The following TNFRSF1A variants were observed in gnomAD, a reference collection of about 807,000 sequenced individuals.
TNFRSF1A encodes tumor necrosis factor receptor superfamily member 1A.
TNFRSF1A carries 9 observed loss-of-function variants against 41.6 expected under a neutral mutation model. That is an observed-to-expected ratio of 0.22 (90% CI 0.13 to 0.38). The LOEUF (loss-of-function observed/expected upper bound fraction) is 0.38, where lower values mean the gene tolerates loss of function less well. Among genes scored for constraint, TNFRSF1A ranks in the 10% least tolerant of loss-of-function variants. The probability of loss-of-function intolerance (pLI) is 1.00; values close to 1 mark genes in which losing one functional copy is unlikely to be tolerated. For missense variants in TNFRSF1A, 463 were observed against 591.5 expected (o/e 0.78, Z 2.25); for synonymous variants, 254 against 248.6 (o/e 1.02, Z -0.21).
intron 1 of TNFRSF1A, among the ~76,000 whole-genome samples, chr12:6,340,612 G>T (rs574477368): frequency 2.6e-5 from 4 of 152,286 alleles, no homozygotes; most frequent in African/African-American, 9.6e-5. Context: ...AGAGAGGAGG[G>T]GAAGGAGGAT....
chr12:6,330,797 G>C, intron 6 of TNFRSF1A, 56 bp downstream of exon 6: 1 of 1,589,200 alleles, frequency 6.3e-7, no homozygotes, highest in Admixed American at 1.7e-5. Flanking sequence ...TGGACGGGTG[G>C]GGGCAAGAAG....
At chr12:6,332,732 C>A (rs1427224630) in intron 5 of TNFRSF1A, among the ~76,000 whole-genome samples, 1 of 152,182 alleles carries the variant, frequency 6.6e-6, no homozygotes, top group Non-Finnish European at 1.5e-5. Context: ...CCAATTCAAC[C>A]ATGATGAGTC....
Position 6,333,213 on chromosome 12 carries a change from A to T in TNFRSF1A, c.473-66T>A, listed in dbSNP as rs759425732. The T allele has an allele frequency of 1.3e-6, 2 of 1,576,820 alleles. No individual in the cohort carries two copies. Among genetic ancestry groups the T allele is most frequent in the South Asian group, 1.1e-5 (1 of 89,614 alleles). On this transcript the variant is annotated intron_variant, in intron 4 of 9. Coordinates refer to ENST00000162749, the MANE Select transcript of TNFRSF1A (RefSeq NM_001065.4). This position sits in a 1 kb window ranked among gnomAD's most constrained non-coding sequence, Gnocchi z 6.3. ...GCACCCCCACCCCACAGGACAGAGG[A>T]AGTGACGAGGGACAGGGTGGGGGCG... is the stretch of plus-strand genomic sequence containing the variant.
chr12:6,336,652 G>A (rs1392779905), intron 1 of TNFRSF1A, among the ~76,000 whole-genome samples: 1 of 151,976 alleles, frequency 6.6e-6, no homozygotes, highest in Admixed American at 6.6e-5. Context: ...CCTGGCTTCC[G>A]CCCATCAGGT....
Position 6,329,417 on chromosome 12 carries a change from C to A in TNFRSF1A, c.1263G>T (p.Leu421=). The A allele has an allele frequency of 6.3e-7, 1 of 1,579,358 alleles. No individual in the cohort carries two copies. The highest frequency in any genetic ancestry group is 2.3e-5 in the East Asian group (1 of 43,764). The part of the protein sequence containing the change: ...TPRREATLEL[L]GRVLRDMDLL... The stretch of plus-strand genomic sequence containing the variant: ...GGTCCATGTCGCGGAGCACGCGTCC[C>A]AGCAGCTCCAGCGTGGCCTCGCGCC... The change falls in exon 10 of 10, where the codon CTG becomes CTT. Residue 421 remains leucine, a synonymous_variant. Coordinates refer to ENST00000162749, the MANE Select transcript of TNFRSF1A (RefSeq NM_001065.4).
At chr12:6,330,200 C>A (rs1948027312) in intron 8 of TNFRSF1A, 67 bp downstream of exon 8, 1 of 1,613,470 alleles carries the variant, frequency 6.2e-7, no homozygotes, top group Non-Finnish European at 8.5e-7. Context: ...TCCAGGGGAT[C>A]TGAGCATTAG....
At chr12:6,336,646 G>C (rs1402035353) in intron 1 of TNFRSF1A, among the ~76,000 whole-genome samples, 1 of 152,098 alleles carries the variant, frequency 6.6e-6, no homozygotes, top group Non-Finnish European at 1.5e-5. Flanking sequence ...CTCGACCCTG[G>C]CTTCCGCCCA....
chr12:6,330,490 A>T, intron 7 of TNFRSF1A, 108 bp downstream of exon 7: 1 of 1,023,712 alleles, frequency 9.8e-7, no homozygotes, highest in Non-Finnish European at 1.5e-6. Flanking sequence ...CCCCAGCGGT[A>T]TGAACTGAGG....
chr12:6,332,147 A>C (rs565359086), intron 5 of TNFRSF1A, among the ~76,000 whole-genome samples: 42 of 152,040 alleles, frequency 2.8e-4, no homozygotes, highest in Non-Finnish European at 5.4e-4. Flanking sequence ...AATATAAGAA[A>C]TCTAAGGCCC....
chr12:6,337,003 A>G lies in TNFRSF1A; in HGVS notation c.40-2759T>C, dbSNP rs753731411. 2.5e-4 allele frequency among the ~76,000 whole-genome samples: 38 copies of G among 152,242 alleles called. No homozygotes were observed. The highest frequency in any genetic ancestry group is 1.3e-4 in the Admixed American group (2 of 15,284). On this transcript the variant is annotated intron_variant, in intron 1 of 9. Coordinates refer to ENST00000162749, the MANE Select transcript of TNFRSF1A (RefSeq NM_001065.4). This position sits in a 1 kb window ranked among gnomAD's most constrained non-coding sequence, Gnocchi z 4.6. Reference sequence around the variant, plus strand: ...CCCAAGCCCACTGGCAATACAGGAAAGCCTCCAGAGCCCTGAACACCCACT... The same window carrying G: ...CCCAAGCCCACTGGCAATACAGGAAGGCCTCCAGAGCCCTGAACACCCACT...
Position 6,334,557 on chromosome 12 carries a change from T to G in TNFRSF1A, c.40-313A>C, listed in dbSNP as rs1290148170. ...TCTTGCTCTGTTGTCCAGGCTGGAG[T>G]GCAGTGATGCAATCACTGCACCCTC... On this transcript the variant is annotated intron_variant, in intron 1 of 9. Transcript: ENST00000162749. This position sits in a 1 kb window ranked among gnomAD's most constrained non-coding sequence, Gnocchi z 5.1. 6.6e-6 allele frequency among the ~76,000 whole-genome samples: 1 copy of G among 151,778 alleles called. No individual in the cohort carries two copies. The highest frequency in any genetic ancestry group is 1.5e-5 in the Non-Finnish European group (1 of 67,948).
Position 6,337,205 on chromosome 12 carries a change from C to T in TNFRSF1A, c.40-2961G>A, listed in dbSNP as rs1948132587. Among the ~76,000 whole-genome samples the T allele has an allele frequency of 6.6e-6, 1 of 152,214 alleles. No individual in the cohort carries two copies. ...GCTGGCACCAGCTGGCCCCAGTAAG[C>T]CCAGTCCTCAGCAGTTGCGTAAATG... On this transcript the variant is annotated intron_variant, in intron 1 of 9. Transcript: ENST00000162749. This position sits in a 1 kb window ranked among gnomAD's most constrained non-coding sequence, Gnocchi z 4.6.
At chr12:6,332,045 T>C (rs1345933476) in intron 5 of TNFRSF1A, 2 of 194,530 alleles carry the variant, frequency 1.0e-5, no homozygotes, top group East Asian at 3.9e-4. Context: ...GGAAAATAAA[T>C]AGTTTTGTGT....
chr12:6,336,593 G>A (rs1195315399), intron 1 of TNFRSF1A, among the ~76,000 whole-genome samples: 1 of 152,126 alleles, frequency 6.6e-6, no homozygotes, highest in Non-Finnish European at 1.5e-5. Flanking sequence ...CATGTTCCGG[G>A]AAATGCCTCC....
rs980898645 is a variant in TNFRSF1A at position 6,334,576 on chromosome 12, C to T, written c.40-332G>A. Among the ~76,000 whole-genome samples the T allele has an allele frequency of 2.6e-5, 4 of 151,952 alleles. No individual in the cohort carries two copies. Among genetic ancestry groups the T allele is most frequent in the Non-Finnish European group, 5.9e-5 (4 of 68,000 alleles). On this transcript the variant is annotated intron_variant, in intron 1 of 9. Transcript: ENST00000162749. The surrounding 1 kb of genome is among the most constrained non-coding windows in gnomAD (Gnocchi z 5.1). ...CTGGAGTGCAGTGATGCAATCACTG[C>T]ACCCTCCACCACCCACGCTCAAGCA...
chr12:6,329,875 C>A lies in TNFRSF1A; in HGVS notation c.960G>T (p.Gly320=). 6.3e-7 allele frequency: 1 copy of A among 1,592,328 alleles called. No individual in the cohort carries two copies. The highest frequency in any genetic ancestry group is 8.6e-7 in the Non-Finnish European group (1 of 1,169,180). Residue 320 remains glycine, a synonymous_variant, in exon 9 of 10, where the codon GGG becomes GGT. Transcript: ENST00000162749. The part of the protein sequence containing the change: ...PRREVAPPYQ[G]ADPILATALA... ...GGGCTGTCGCAAGGATGGGGTCAGCCCCCTGATAGGGTGGTGCCACCTCTC... is the reference window on the plus strand; with the variant it reads ...GGGCTGTCGCAAGGATGGGGTCAGCACCCTGATAGGGTGGTGCCACCTCTC...
intron 5 of TNFRSF1A, among the ~76,000 whole-genome samples, chr12:6,332,228 C>A (rs1467015232): frequency 6.6e-6 from 1 of 151,688 alleles, no homozygotes; most frequent in African/African-American, 2.4e-5. Context: ...TCGCTTGAGC[C>A]CAGGAGTCCG....
In TNFRSF1A at chr12:6,329,761, C is replaced by A; in HGVS notation, c.1057+17G>T. On this transcript the variant is annotated intron_variant, in intron 9 of 9. Transcript: ENST00000162749. The stretch of plus-strand genomic sequence containing the variant: ...CCTCCCCCAGCCTCCTCGTCTCCAG[C>A]CGCGGGAGAAACTCACTGTCTAGGC... 1 of 1,592,920 alleles carries A rather than the reference C, an allele frequency of 6.3e-7. No individual in the cohort carries two copies. Among genetic ancestry groups the A allele is most frequent in the African/African-American group, 1.3e-5 (1 of 74,650 alleles).
At chr12:6,339,514 T>C (rs4149626) in intron 1 of TNFRSF1A, among the ~76,000 whole-genome samples, 2,328 of 152,254 alleles carry the variant, frequency 0.015, 61 homozygotes, top group African/African-American at 0.052. Flanking sequence ...TGAAGGACAC[T>C]GAAGCAGCGT....
Sources: gnomAD v4.1 joint callset for allele counts (sites outside exome capture counted in the v4.1 genomes callset) on GRCh38, gnomAD v4.1.1 for gene constraint, Gnocchi (gnomAD v3.1) non-coding constraint, MANE v1.5 for transcripts, NCBI Gene and HGNC (gene_info 2026-07-23, HGNC 2026-07-21) for gene names.